Variants in VOPP1 observed in about 807,000 individuals in gnomAD.
The protein encoded by VOPP1 is VOPP1 WW domain binding protein.
In VOPP1, 8 loss-of-function variants were observed where a neutral mutation model predicts 23.5. That is an observed-to-expected ratio of 0.34 (90% CI 0.20 to 0.61). The LOEUF is 0.61. Among genes scored for constraint, VOPP1 ranks in the 20% least tolerant of loss-of-function variants. The pLI, the probability that VOPP1 is intolerant of heterozygous loss-of-function variation, is 0.78. For missense variants in VOPP1, 174 were observed against 238.1 expected (o/e 0.73, Z 1.77); for synonymous variants, 83 against 97.3 (o/e 0.85, Z 0.86).
chr7:55,443,697 T>A (rs1583787257), intron 4 of VOPP1, among the ~76,000 whole-genome samples: 1 of 144,086 alleles, frequency 6.9e-6, no homozygotes, highest in African/African-American at 2.6e-5. Flanking sequence ...CAGGCTGGAG[T>A]GCAATGACAC....
downstream of VOPP1, among the ~76,000 whole-genome samples, chr7:55,435,520 T>C (rs1790801356): frequency 6.6e-6 from 1 of 152,242 alleles, no homozygotes; most frequent in Non-Finnish European, 1.5e-5. Flanking sequence ...GCCTCTTCTC[T>C]GCTTCCTGGT....
chr7:55,551,629 T>C (rs1797609324), intron 1 of VOPP1, among the ~76,000 whole-genome samples: 1 of 151,798 alleles, frequency 6.6e-6, no homozygotes, highest in African/African-American at 2.4e-5. Flanking sequence ...AAACTCCAAG[T>C]GGGGAAGGGT....
intron 2 of VOPP1, among the ~76,000 whole-genome samples, chr7:55,506,950 T>G (rs908276558): frequency 6.6e-6 from 1 of 152,212 alleles, no homozygotes; most frequent in African/African-American, 2.4e-5. Context: ...CCCCACAAGC[T>G]TCTTTATAAT....
intron 1 of VOPP1, among the ~76,000 whole-genome samples, chr7:55,525,033 A>G (rs1796086999): frequency 2.0e-5 from 3 of 152,056 alleles, no homozygotes; most frequent in Admixed American, 2.0e-4. Flanking sequence ...AGGCAGAAAG[A>G]AGGCCCCGTG....
chr7:55,463,816 C>G (rs1791567184), intron 4 of VOPP1, among the ~76,000 whole-genome samples: 1 of 152,174 alleles, frequency 6.6e-6, no homozygotes, highest in Non-Finnish European at 1.5e-5. Flanking sequence ...CGGGCCTGCC[C>G]TCAGGCCCCA....
At chr7:55,571,258 A>C (rs1043636205) in intron 1 of VOPP1, among the ~76,000 whole-genome samples, 1 of 152,248 alleles carries the variant, frequency 6.6e-6, no homozygotes, top group Non-Finnish European at 1.5e-5. Context: ...TCCTTTCAGG[A>C]AACACTTTTC....
At chr7:55,500,046 G>A (rs866974986) in intron 2 of VOPP1, among the ~76,000 whole-genome samples, 1 of 152,144 alleles carries the variant, frequency 6.6e-6, no homozygotes. Flanking sequence ...TAAAAGAGGT[G>A]GGACCGTTTC....
At chr7:55,466,293 T>G (rs1256716861), downstream of VOPP1, among the ~76,000 whole-genome samples, 1 of 152,222 alleles carries the variant, frequency 6.6e-6, no homozygotes, top group Non-Finnish European at 1.5e-5. Flanking sequence ...AAGGATCACT[T>G]TAGCTGAGAA....
At chr7:55,542,656 G>A (rs1443261410) in intron 1 of VOPP1, among the ~76,000 whole-genome samples, 1 of 152,086 alleles carries the variant, frequency 6.6e-6, no homozygotes, top group Non-Finnish European at 1.5e-5. Context: ...GGTCGTGGTG[G>A]TGCATGCCTA....
intron 1 of VOPP1, among the ~76,000 whole-genome samples, chr7:55,534,191 G>A (rs1438696914): frequency 1.4e-5 from 2 of 147,162 alleles, no homozygotes; most frequent in Non-Finnish European, 3.0e-5. Flanking sequence ...AAAACAGCAA[G>A]TGCAAGCAGA....
At chr7:55,546,819 C>T (rs758503510) in intron 1 of VOPP1, among the ~76,000 whole-genome samples, 3 of 152,212 alleles carry the variant, frequency 2.0e-5, no homozygotes, top group Non-Finnish European at 4.4e-5. Context: ...GCCAGCAGGC[C>T]GAGAGCTCAG....
intron 4 of VOPP1, among the ~76,000 whole-genome samples, chr7:55,446,601 T>A (rs1226799457): frequency 6.6e-6 from 1 of 152,208 alleles, no homozygotes; most frequent in African/African-American, 2.4e-5. Context: ...GTTCAAAACT[T>A]GCCCAGGGTC....
At chr7:55,449,487 A>G (rs1791186996) in intron 4 of VOPP1, among the ~76,000 whole-genome samples, 1 of 152,070 alleles carries the variant, frequency 6.6e-6, no homozygotes, top group African/African-American at 2.4e-5. Flanking sequence ...GGCCTGCACT[A>G]CGCCGGGGTG....
chr7:55,485,610 C>A (rs189725278), intron 4 of VOPP1, among the ~76,000 whole-genome samples: 65 of 152,330 alleles, frequency 4.3e-4, no homozygotes, highest in African/African-American at 1.3e-3. Context: ...GAGCTGCAGG[C>A]CGGGGACAGC....
At chr7:55,495,354 T>G (rs1168070308) in intron 3 of VOPP1, among the ~76,000 whole-genome samples, 1 of 152,242 alleles carries the variant, frequency 6.6e-6, no homozygotes, top group Non-Finnish European at 1.5e-5. Context: ...CTTTGTTTTA[T>G]GGTCAGGAGA....
chr7:55,441,154 G>A (rs1308274766), intron 4 of VOPP1, among the ~76,000 whole-genome samples: 3 of 152,158 alleles, frequency 2.0e-5, no homozygotes, highest in South Asian at 2.1e-4. Context: ...AGAGCCGCCC[G>A]CTCTGCAGAT....
intron 2 of VOPP1, among the ~76,000 whole-genome samples, chr7:55,517,043 G>A (rs1388814085): frequency 2.1e-5 from 3 of 140,836 alleles, no homozygotes; most frequent in Admixed American, 7.5e-5. Flanking sequence ...GGGCTCAAGC[G>A]ATTCTCATGC....
intron 1 of VOPP1, among the ~76,000 whole-genome samples, chr7:55,548,388 T>G (rs1385243016): frequency 2.0e-5 from 3 of 152,200 alleles, no homozygotes; most frequent in African/African-American, 7.2e-5. Flanking sequence ...GACCGCCTGG[T>G]CCTCAGAGGC....
At chr7:55,561,933 A>C (rs1401691187) in intron 1 of VOPP1, 2 of 703,076 alleles carry the variant, frequency 2.8e-6, no homozygotes, top group Middle Eastern at 2.3e-4. Context: ...CGGCAGTCAA[A>C]GGAATGGGAA....
Sources: allele counts gnomAD v4.1 joint callset (sites outside exome capture counted in the v4.1 genomes callset), GRCh38; gene constraint gnomAD v4.1.1; transcripts MANE v1.5; gene names NCBI Gene and HGNC (gene_info 2026-07-23, HGNC 2026-07-21).